Variants in CNTN3 observed in about 807,000 individuals in gnomAD.
CNTN3 encodes contactin-3.
Under a neutral mutation model 119.1 loss-of-function variants are expected in CNTN3, and 60 were observed. That is an observed-to-expected ratio of 0.50 (90% CI 0.41 to 0.62). CNTN3 has a LOEUF of 0.62. CNTN3 is among the 20% of genes least tolerant of loss of function. The pLI is 0.00. For synonymous variants in CNTN3, 450 were observed against 438.7 expected, an observed-to-expected ratio of 1.03 and a Z score of -0.32; for missense variants, 1,101 against 1,242.4, an observed-to-expected ratio of 0.89 and a Z score of 1.71.
At chr3:74,578,088 ATATTTAT>A (rs1175632570) in intron 1 of CNTN3, among the ~76,000 whole-genome samples, 2 of 152,100 alleles carry the variant, frequency 1.3e-5, no homozygotes, top group Admixed American at 6.6e-5. Context: ...ACGCTATTTA[ATATTTAT>A]TAACTCCTTA....
At chr3:74,335,127 A>G (rs553222729) in intron 12 of CNTN3, among the ~76,000 whole-genome samples, 2 of 152,324 alleles carry the variant, frequency 1.3e-5, no homozygotes, top group Admixed American at 6.5e-5. Context: ...TAAAGAAATT[A>G]GGATATTTGA....
rs373174217 is a variant in CNTN3, at chr3:74,451,682, G to A, written c.359-26742C>T. On this transcript the variant is annotated intron_variant, in intron 4 of 22. Coordinates refer to ENST00000263665, the MANE Select transcript of CNTN3 (RefSeq NM_020872.3). Reference sequence around the variant, plus strand: ...TTAAGTCTTTAATCCATCTTGAATTGATTTTTGTATAAGGTGTAAGGAAGG... The same window carrying A: ...TTAAGTCTTTAATCCATCTTGAATTAATTTTTGTATAAGGTGTAAGGAAGG... Among the ~76,000 whole-genome samples, 4 of 151,020 alleles carry A rather than the reference G, an allele frequency of 2.6e-5. No homozygotes were observed. In the East Asian group the frequency reaches 5.8e-4, roughly 22 times the overall value.
At chr3:74,307,678 C>G (rs1457576113) in intron 13 of CNTN3, among the ~76,000 whole-genome samples, 1 of 152,208 alleles carries the variant, frequency 6.6e-6, no homozygotes, top group East Asian at 1.9e-4. Context: ...TCACTAATTA[C>G]AGGTAGGCTG....
chr3:74,270,623 G>C (rs1701754936), intron 20 of CNTN3, among the ~76,000 whole-genome samples: 1 of 152,132 alleles, frequency 6.6e-6, no homozygotes, highest in South Asian at 2.1e-4. Flanking sequence ...TAAAAGTATG[G>C]AGTCAAGTAG....
chr3:74,467,125 AG>A (rs759585763), intron 4 of CNTN3, among the ~76,000 whole-genome samples: 1 of 152,158 alleles, frequency 6.6e-6, no homozygotes, highest in Non-Finnish European at 1.5e-5. Flanking sequence ...TTTTCAAAAA[AG>A]GTATACTATA....
intron 4 of CNTN3, among the ~76,000 whole-genome samples, chr3:74,472,440 A>G (rs955398836): frequency 6.6e-6 from 1 of 152,196 alleles, no homozygotes; most frequent in African/African-American, 2.4e-5. Context: ...ATTCCCCCCA[A>G]TAATGTAGAG....
chr3:74,480,218 C>A (rs1223359915), intron 4 of CNTN3, among the ~76,000 whole-genome samples: 1 of 151,996 alleles, frequency 6.6e-6, no homozygotes, highest in African/African-American at 2.4e-5. Context: ...CACAGGCAGG[C>A]CAAAATTTGT....
At chr3:74,513,990 G>C (rs1168262670) in intron 2 of CNTN3, among the ~76,000 whole-genome samples, 2 of 151,354 alleles carry the variant, frequency 1.3e-5, no homozygotes, top group African/African-American at 4.9e-5. Context: ...GTCAACATCA[G>C]GTTTATTATT....
chr3:74,499,198 T>C (rs754214761), intron 3 of CNTN3, among the ~76,000 whole-genome samples: 1 of 151,870 alleles, frequency 6.6e-6, no homozygotes, highest in Admixed American at 6.6e-5. Context: ...TCTTCAAAAA[T>C]CATTAAAATG....
intron 1 of CNTN3, among the ~76,000 whole-genome samples, chr3:74,539,969 T>A (rs1205878338): frequency 2.0e-5 from 3 of 152,142 alleles, no homozygotes; most frequent in African/African-American, 7.2e-5. Context: ...TCCAGACCTG[T>A]ATGACCCGCC....
At chr3:74,333,769 A>G (rs1254154469) in intron 13 of CNTN3, among the ~76,000 whole-genome samples, 1 of 152,200 alleles carries the variant, frequency 6.6e-6, no homozygotes, top group African/African-American at 2.4e-5. Context: ...TTAATATGTT[A>G]ACATGCCGAT....
At chr3:74,391,523 T>C (rs528245773) in intron 5 of CNTN3, among the ~76,000 whole-genome samples, 3 of 151,032 alleles carry the variant, frequency 2.0e-5, no homozygotes, top group African/African-American at 7.3e-5. Context: ...GCTCAATAAA[T>C]GTTACTTATT....
chr3:74,582,874 C>T (rs1183244893), intron 1 of CNTN3, among the ~76,000 whole-genome samples: 1 of 151,286 alleles, frequency 6.6e-6, no homozygotes, highest in Non-Finnish European at 1.5e-5. Flanking sequence ...GAAAACATAT[C>T]CACCAAATGA....
intron 5 of CNTN3, among the ~76,000 whole-genome samples, chr3:74,392,925 G>A (rs796844036): frequency 6.7e-6 from 1 of 149,816 alleles, no homozygotes; most frequent in African/African-American, 2.5e-5. Flanking sequence ...CCAGATCAAG[G>A]TCTAGAACAT....
chr3:74,417,594 C>T (rs1701544133), intron 5 of CNTN3, among the ~76,000 whole-genome samples: 2 of 152,158 alleles, frequency 1.3e-5, no homozygotes, highest in Admixed American at 6.5e-5. Flanking sequence ...AAGTTGAAGG[C>T]AGGCTCAATT....
chr3:74,430,294 A>G (rs13098874), intron 4 of CNTN3, among the ~76,000 whole-genome samples: 61,918 of 152,030 alleles, frequency 0.41, 12,872 homozygotes, highest in East Asian at 0.57. Flanking sequence ...CATACCATGG[A>G]ATGCTACCCT....
chr3:74,394,375 A>G (rs1459469704), intron 5 of CNTN3, among the ~76,000 whole-genome samples: 6 of 152,178 alleles, frequency 3.9e-5, no homozygotes, highest in African/African-American at 1.4e-4. Context: ...GTGTATTATA[A>G]CGCTATTAGA....
At chr3:74,277,330 A>G (rs563058340) in intron 20 of CNTN3, among the ~76,000 whole-genome samples, 1 of 152,188 alleles carries the variant, frequency 6.6e-6, no homozygotes, top group South Asian at 2.1e-4. Flanking sequence ...AAAACTACAG[A>G]CCGATATCCC....
intron 1 of CNTN3, among the ~76,000 whole-genome samples, chr3:74,543,864 T>C (rs1190989045): frequency 6.6e-6 from 1 of 152,212 alleles, no homozygotes; most frequent in African/African-American, 2.4e-5. Flanking sequence ...GGGAGGGCAG[T>C]GATTTTGTGA....
Sources: gnomAD v4.1 joint callset for allele counts (sites outside exome capture counted in the v4.1 genomes callset) on GRCh38, gnomAD v4.1.1 for gene constraint, MANE v1.5 for transcripts, NCBI Gene and HGNC (gene_info 2026-07-23, HGNC 2026-07-21) for gene names.